The following MAP7D3 variants were observed in gnomAD, a reference collection of about 807,000 sequenced individuals.
The protein encoded by MAP7D3 is MAP7 domain-containing protein 3.
In MAP7D3, 45 loss-of-function variants were observed where a neutral mutation model predicts 62.2. The observed-to-expected ratio is 0.72, with a 90% CI of 0.57 to 0.93. The LOEUF is 0.93. Among genes scored for constraint, MAP7D3 ranks in the 40% least tolerant of loss-of-function variants. The pLI, the probability that MAP7D3 is intolerant of heterozygous loss-of-function variation, is 0.00. For synonymous variants in MAP7D3, 288 were observed against 248.8 expected, an observed-to-expected ratio of 1.16 and a Z score of -1.48; for missense variants, 711 against 683.1, an observed-to-expected ratio of 1.04 and a Z score of -0.45.
Position 136,230,550 on chromosome X carries a change from T to G in MAP7D3, c.1585A>C (p.Ile529Leu), listed in dbSNP as rs1479405446. Residue 529 changes from isoleucine to leucine, a missense_variant, in exon 10 of 19, where the codon ATT (isoleucine) becomes CTT (leucine). Coordinates refer to ENST00000316077, the MANE Select transcript of MAP7D3 (RefSeq NM_024597.4). ...GAAGTCTGTGGTGACTGTTTTGAAA[T>G]AAGTGGTAATGGTGATGGAGGGCAG... Reference protein sequence around the residue: ...KNCPPSPLPLISKQSPQTSFP... With the variant: ...KNCPPSPLPLLSKQSPQTSFP... The G allele has an allele frequency of 1.7e-6, 2 of 1,203,101 alleles. No homozygotes were observed. Among genetic ancestry groups the G allele is most frequent in the Non-Finnish European group, 2.3e-6 (2 of 887,703 alleles).
chrX:136,243,859 G>C (rs2074417285), intron 4 of MAP7D3, among the ~76,000 whole-genome samples: 2 of 111,443 alleles, frequency 1.8e-5, no homozygotes, highest in African/African-American at 3.3e-5. Flanking sequence ...GTGTCAGAGA[G>C]AATCATACGG....
intron 7 of MAP7D3, among the ~76,000 whole-genome samples, chrX:136,232,528 C>T (rs1255839981): frequency 1.8e-5 from 2 of 112,312 alleles, no homozygotes; most frequent in Non-Finnish European, 3.8e-5. Context: ...TTTAATCATA[C>T]TATATTTCAG....
chrX:136,240,537 T>C (rs1430251215), intron 5 of MAP7D3, 51 bp from the exon 6 acceptor site: 1 of 827,273 alleles, frequency 1.2e-6, no homozygotes, highest in African/African-American at 2.0e-5. Context: ...GAGGAAAGAA[T>C]CATTAACTGA....
rs780704758 is a variant in MAP7D3, at chrX:136,228,678, G to A, written c.1831C>T (p.Arg611Cys). ...TCTTCCTCTTTTTCTCTTTGTTCAC[G>A]AGCAAGGCGGCGCAATTCTGTCAAA... ...KILTELRRLA[R>C]EQREKEEEER... Residue 611 changes from arginine (R) to cysteine (C), a missense_variant, in exon 11 of 19, where the codon CGT becomes TGT. Arg to Cys is a radical substitution (Grantham distance 180, BLOSUM62 -3). Coordinates refer to ENST00000316077, the MANE Select transcript of MAP7D3 (RefSeq NM_024597.4). The A allele has an allele frequency of 3.3e-6, 4 of 1,204,959 alleles. No individual in the cohort carries two copies. In the African/African-American group the frequency reaches 5.3e-5, roughly 16 times the overall value.
At chrX:136,250,902 C>T (rs1157516796) in intron 1 of MAP7D3, among the ~76,000 whole-genome samples, 1 of 111,576 alleles carries the variant, frequency 9.0e-6, no homozygotes, top group Non-Finnish European at 1.9e-5. Context: ...GTTGCGCGGG[C>T]GGCCACCGCC....
At chrX:136,231,483 C>T (rs1343894007) in intron 8 of MAP7D3, 61 bp downstream of exon 8, 2 of 981,568 alleles carry the variant, frequency 2.0e-6, no homozygotes, top group Admixed American at 2.9e-5. Context: ...CTATCGTGAA[C>T]TATACAACAA....
chrX:136,251,286 C>T lies in MAP7D3; in HGVS notation c.70+3G>A. 2 of 1,131,340 alleles carry T rather than the reference C, an allele frequency of 1.8e-6. No individual in the cohort carries two copies. The highest frequency in any genetic ancestry group is 1.2e-6 in the Non-Finnish European group (1 of 860,792). The allele number at this position is 1,131,340 out of a possible 1,213,427, so 93.2% of individuals were successfully genotyped here. A position where few individuals can be genotyped will look rare whatever the true frequency, so the allele number is the denominator to read the frequency against. On this transcript the variant is annotated splice_donor_region_variant and intron_variant, in intron 1 of 18. Coordinates refer to ENST00000316077, the MANE Select transcript of MAP7D3 (RefSeq NM_024597.4). ...CACCCCCGGGAGCCACCCGCCCGCTCACCCATCCGTGCCCGCAGCTCTCTC... is the reference window on the plus strand; with the variant it reads ...CACCCCCGGGAGCCACCCGCCCGCTTACCCATCCGTGCCCGCAGCTCTCTC...
At chrX:136,215,536 G>A (rs751409334), downstream of MAP7D3, among the ~76,000 whole-genome samples, 26 of 111,911 alleles carry the variant, frequency 2.3e-4, no homozygotes, top group South Asian at 9.0e-3. Flanking sequence ...ACATTATGGT[G>A]AGTTGTATAA....
chrX:136,252,710 GA>G (rs140591296), upstream of MAP7D3, among the ~76,000 whole-genome samples: 41,159 of 90,234 alleles, frequency 0.46, 8,485 homozygotes, highest in East Asian at 0.68. Context: ...GAAAAGAAAA[GA>G]AAAAGAAAAA....
In MAP7D3 at chrX:136,236,311, A is replaced by G; in HGVS notation, c.669T>C (p.Ser223=). The change falls in exon 7 of 19, where the codon TCT becomes TCC. Residue 223 remains serine, a synonymous_variant. Coordinates refer to ENST00000316077, the MANE Select transcript of MAP7D3 (RefSeq NM_024597.4). ...KRKTDKERSS[S]LNRRDSNLHS... is the part of the protein sequence containing the mutation. Reference sequence around the variant, plus strand: ...GTAGGTTACTATCTCTTCTATTTAAAGATGAGCTTCTCTCCTTGTCTGTTT... The same window carrying G: ...GTAGGTTACTATCTCTTCTATTTAAGGATGAGCTTCTCTCCTTGTCTGTTT... 8.4e-7 allele frequency: 1 copy of G among 1,190,913 alleles called. No homozygotes were observed. The highest frequency in any genetic ancestry group is 3.0e-5 in the East Asian group (1 of 33,556).
intron 1 of MAP7D3, among the ~76,000 whole-genome samples, chrX:136,248,169 C>T (rs2074469205): frequency 8.9e-6 from 1 of 112,032 alleles, no homozygotes; most frequent in South Asian, 3.7e-4. Flanking sequence ...GCACTCCAGC[C>T]TGGGCAACCC....
intron 18 of MAP7D3, among the ~76,000 whole-genome samples, chrX:136,218,905 C>A (rs768067202): frequency 9.0e-6 from 1 of 110,873 alleles, no homozygotes; most frequent in African/African-American, 3.3e-5. Flanking sequence ...GGCTAGAGTG[C>A]AGTGGCAGGA....
At chrX:136,228,793 G>A (rs952680120) in intron 10 of MAP7D3, 35 bp from the exon 11 acceptor site, 12 of 1,097,092 alleles carry the variant, frequency 1.1e-5, no homozygotes, top group African/African-American at 1.9e-5. Context: ...AGTTAAGAGA[G>A]CTAATCAACT....
chrX:136,229,388 TGTAA>T (rs2074235546), intron 10 of MAP7D3, among the ~76,000 whole-genome samples: 1 of 111,631 alleles, frequency 9.0e-6, no homozygotes, highest in African/African-American at 3.3e-5. Context: ...ATGAATAATC[TGTAA>T]TTAAAAGATT....
chrX:136,256,034 A>C, upstream of MAP7D3: 1 of 750,655 alleles, frequency 1.3e-6, no homozygotes, highest in South Asian at 6.8e-5. Flanking sequence ...CTGTACTATG[A>C]GTTTTAAGCT....
chrX:136,228,585 C>G (rs1285562687), intron 11 of MAP7D3, 38 bp downstream of exon 11: 1 of 1,145,376 alleles, frequency 8.7e-7, no homozygotes, highest in Non-Finnish European at 1.2e-6. Flanking sequence ...GGGCCCCACT[C>G]AAGATTTATA....
chrX:136,216,437 C>G (rs10126411), downstream of MAP7D3, among the ~76,000 whole-genome samples: 2 of 88,915 alleles, frequency 2.2e-5, no homozygotes, highest in Non-Finnish European at 4.4e-5. Flanking sequence ...AGAAAGAAGA[C>G]GAAGAGAAAA....
upstream of MAP7D3, among the ~76,000 whole-genome samples, chrX:136,254,981 C>T (rs1321089688): frequency 8.9e-6 from 1 of 112,159 alleles, no homozygotes; most frequent in African/African-American, 3.2e-5. Flanking sequence ...TTTGGAAGGC[C>T]AATGCGAGCA....
At chrX:136,216,359 TAAAA>T (rs58245551), downstream of MAP7D3, among the ~76,000 whole-genome samples, 7 of 25,508 alleles carry the variant, frequency 2.7e-4, no homozygotes, top group East Asian at 0.011. Flanking sequence ...ACCCTATCTC[TAAAA>T]AAAAAAAAAA....
Sources: allele counts gnomAD v4.1 joint callset (sites outside exome capture counted in the v4.1 genomes callset), GRCh38; gene constraint gnomAD v4.1.1; transcripts MANE v1.5; gene names NCBI Gene and HGNC (gene_info 2026-07-23, HGNC 2026-07-21).